SEL1L: variants seen among roughly 807,000 people sequenced by gnomAD.
SEL1L encodes the protein protein sel-1 homolog 1.
Under a neutral mutation model 109.8 loss-of-function variants are expected in SEL1L, and 52 were observed. The ratio of observed to expected loss-of-function variants is 0.47; its 90% confidence interval spans 0.38 to 0.60. The LOEUF is 0.60. SEL1L is among the 20% of genes least tolerant of loss of function. The probability of loss-of-function intolerance (pLI) is 0.00; values close to 1 mark genes in which losing one functional copy is unlikely to be tolerated. For missense variants in SEL1L, 749 were observed against 962.2 expected, an observed-to-expected ratio of 0.78 and a Z score of 2.93; for synonymous variants, 373 against 339.6, an observed-to-expected ratio of 1.10 and a Z score of -1.08.
chr14:81,479,275 T>C (rs1903267721), intron 20 of SEL1L: 2 of 162,298 alleles, frequency 1.2e-5, no homozygotes, highest in Admixed American at 6.4e-5. Context: ...AAGGGACTGG[T>C]TTGAGTCATC....
intron 3 of SEL1L, among the ~76,000 whole-genome samples, chr14:81,520,576 G>A (rs1884866343): frequency 6.6e-6 from 1 of 152,224 alleles, no homozygotes; most frequent in Non-Finnish European, 1.5e-5. Context: ...AGGGCTCGCA[G>A]CAGACCTGTA....
intron 19 of SEL1L, among the ~76,000 whole-genome samples, chr14:81,482,489 T>C (rs1903390453): frequency 6.6e-6 from 1 of 152,126 alleles, no homozygotes; most frequent in African/African-American, 2.4e-5. Context: ...CTAAGCAACA[T>C]AGTGGTACCC....
chr14:81,532,717 TA>T (rs373229588), intron 1 of SEL1L, among the ~76,000 whole-genome samples: 2 of 151,830 alleles, frequency 1.3e-5, no homozygotes, highest in Admixed American at 6.6e-5. Context: ...AATTTTCTGT[TA>T]AAAAAAAGCT....
intron 20 of SEL1L, 35 bp downstream of exon 20, chr14:81,479,577 T>C (rs1903279029): frequency 1.3e-6 from 2 of 1,580,754 alleles, no homozygotes; most frequent in Non-Finnish European, 1.7e-6. Context: ...CTTCCATCAT[T>C]TATATTTTAA....
At chr14:81,510,506 C>CTATATA (rs1185338964) in intron 3 of SEL1L, among the ~76,000 whole-genome samples, 6 of 121,042 alleles carry the variant, frequency 5.0e-5, no homozygotes, top group South Asian at 2.8e-4. Flanking sequence ...CTCTCTCTCT[C>CTATATA]TCTCTCTCTA....
At chr14:81,502,939 GT>G in intron 5 of SEL1L, 56 bp from the exon 6 acceptor site, 6 of 1,441,288 alleles carry the variant, frequency 4.2e-6, no homozygotes, top group South Asian at 1.4e-5. Flanking sequence ...CTGCCATTAA[GT>G]TTTTTTGATC....
At chr14:81,479,405 C>T (rs1050552837) in intron 20 of SEL1L, 19 of 371,720 alleles carry the variant, frequency 5.1e-5, no homozygotes, top group African/African-American at 2.1e-4. Context: ...AAGTGTCAAA[C>T]GCTACCTAAA....
intron 1 of SEL1L, among the ~76,000 whole-genome samples, chr14:81,528,738 CT>C (rs1885211620): frequency 6.6e-6 from 1 of 152,138 alleles, no homozygotes; most frequent in Non-Finnish European, 1.5e-5. Context: ...AGACAAAACC[CT>C]GTAAGACCAT....
chr14:81,520,164 C>T (rs1204410814), intron 3 of SEL1L, among the ~76,000 whole-genome samples: 2 of 152,038 alleles, frequency 1.3e-5, no homozygotes, highest in Non-Finnish European at 2.9e-5. Flanking sequence ...CATATATATG[C>T]AATTTATGTC....
At position 81,472,573 on chromosome 14, in the gene SEL1L, A is replaced by C. The variant is rs534632371; in HGVS notation, c.*4399T>G. 5.7e-5 allele frequency: 26 copies of C among 457,850 alleles called. 1 individual carries two copies. Among genetic ancestry groups the C allele is most frequent in the South Asian group, 4.1e-4 (26 of 63,342 alleles). 28.4% of individuals were successfully genotyped at this position (457,850 alleles called of 1,614,324 possible). On this transcript the variant is annotated 3_prime_UTR_variant, in exon 21 of 21. Coordinates refer to ENST00000336735, the MANE Select transcript of SEL1L (RefSeq NM_005065.6). Reference sequence around the variant, plus strand: ...GTACGTGTCTCTGCAAGTCCTCTTAAAAAATTCCTGGGACAAGGCAATGCA... The same window carrying C: ...GTACGTGTCTCTGCAAGTCCTCTTACAAAATTCCTGGGACAAGGCAATGCA...
At chr14:81,477,228 G>C in intron 20 of SEL1L, 47 bp from the exon 21 acceptor site, 1 of 1,472,808 alleles carries the variant, frequency 6.8e-7, no homozygotes, top group South Asian at 1.2e-5. Flanking sequence ...AAAATGTCAG[G>C]CAAGGAACTG....
At chr14:81,519,929 G>A (rs2140050121) in intron 3 of SEL1L, among the ~76,000 whole-genome samples, 1 of 152,284 alleles carries the variant, frequency 6.6e-6, no homozygotes. Context: ...CTTAGGGAAG[G>A]GGTACACTGA....
In SEL1L at chr14:81,485,661, T is replaced by G; in HGVS notation, c.1873+11A>C. 2.5e-6 allele frequency: 4 copies of G among 1,610,858 alleles called. No individual in the cohort carries two copies. The South Asian group carries it at 4.4e-5, about 18-fold the overall frequency. On this transcript the variant is annotated intron_variant, in intron 18 of 20. Coordinates refer to ENST00000336735, the MANE Select transcript of SEL1L (RefSeq NM_005065.6). ...CTGGGTGAAACTCTTATCTTAGAATTAATCACTTACCTTGAGAGGCGGCCC... is the reference window on the plus strand; with the variant it reads ...CTGGGTGAAACTCTTATCTTAGAATGAATCACTTACCTTGAGAGGCGGCCC...
At chr14:81,487,336 T>G (rs1448143647) in intron 16 of SEL1L, 54 bp downstream of exon 16, 6 of 1,501,668 alleles carry the variant, frequency 4.0e-6, no homozygotes, top group African/African-American at 2.9e-5. Context: ...AAGCGCAGAC[T>G]TTCCTGCTGG....
intron 11 of SEL1L, among the ~76,000 whole-genome samples, chr14:81,493,801 G>A (rs1373503682): frequency 2.0e-5 from 3 of 152,108 alleles, no homozygotes; most frequent in African/African-American, 7.2e-5. Context: ...ACCTTTCTCT[G>A]CAACATTTGG....
Position 81,498,227 on chromosome 14 carries a change from C to T in SEL1L, c.974-181G>A, listed in dbSNP as rs1040959474. 7.7e-5 allele frequency: 64 copies of T among 836,512 alleles called. No individual in the cohort carries two copies. The East Asian group carries it at 8.9e-4, about 12-fold the overall frequency. The allele number at this position is 836,512 out of a possible 1,614,324, so 51.8% of individuals were successfully genotyped here. On this transcript the variant is annotated intron_variant, in intron 9 of 20. Transcript: ENST00000336735. ...TTAATAAATTGAACTTTTTTCACAA[C>T]GTAAATAGAACCTAAAGCAAAATTA...
intron 6 of SEL1L, among the ~76,000 whole-genome samples, chr14:81,501,754 G>T (rs1190270590): frequency 6.6e-6 from 1 of 152,014 alleles, no homozygotes; most frequent in African/African-American, 2.4e-5. Context: ...ATTATTAATG[G>T]GGAAACAACC....
chr14:81,480,641 C>A (rs1903323787), intron 19 of SEL1L, among the ~76,000 whole-genome samples: 1 of 152,052 alleles, frequency 6.6e-6, no homozygotes, highest in Non-Finnish European at 1.5e-5. Flanking sequence ...CTGCTTGAAC[C>A]CAGGAGGCAG....
At chr14:81,527,393 G>A (rs8003534) in intron 2 of SEL1L, among the ~76,000 whole-genome samples, 3,143 of 151,564 alleles carry the variant, frequency 0.021, 96 homozygotes, top group African/African-American at 0.068. Flanking sequence ...TTATTTTTGA[G>A]AACTGGAAAG....
Sources: allele counts gnomAD v4.1 joint callset (sites outside exome capture counted in the v4.1 genomes callset), GRCh38; gene constraint gnomAD v4.1.1; transcripts MANE v1.5; gene names NCBI Gene and HGNC (gene_info 2026-07-23, HGNC 2026-07-21).